Variants in LHX8 observed in about 807,000 individuals in gnomAD.
LHX8 encodes the protein LIM homeobox 8.
In LHX8, 12 loss-of-function variants were observed where a neutral mutation model predicts 40.3. The observed-to-expected ratio is 0.30, with a 90% CI of 0.19 to 0.48. The LOEUF is 0.48. LHX8 is among the 20% of genes least tolerant of loss of function. The pLI is 0.99. For missense variants in LHX8, 344 were observed against 433.7 expected, an observed-to-expected ratio of 0.79 and a Z score of 1.84; for synonymous variants, 179 against 162.0, an observed-to-expected ratio of 1.10 and a Z score of -0.80.
rs545145987 is a variant in LHX8, at chr1:75,160,476, C to A, written c.965-343C>A. 78 of 301,022 alleles carry A rather than the reference C, an allele frequency of 2.6e-4. 1 individual carries two copies. Among genetic ancestry groups the A allele is most frequent in the Non-Finnish European group, 3.0e-4 (48 of 159,064 alleles). 18.6% of individuals were successfully genotyped at this position (301,022 alleles called of 1,614,324 possible). A position where few individuals can be genotyped will look rare whatever the true frequency, so the allele number is the denominator to read the frequency against. On this transcript the variant is annotated intron_variant, in intron 8 of 8. Coordinates refer to ENST00000356261, the MANE Select transcript of LHX8 (RefSeq NM_001256114.2). ...ATGAAAGAAACTTGGGGAAGATCAT[C>A]CTATACAAACACCTTCATGAGAAAG...
chr1:75,135,515 C>G (rs558039851), intron 1 of LHX8, among the ~76,000 whole-genome samples: 8 of 152,276 alleles, frequency 5.3e-5, no homozygotes, highest in African/African-American at 1.7e-4. Context: ...GTCCGGGAGG[C>G]CCCCAGGTTG....
intron 5 of LHX8, 78 bp from the exon 6 acceptor site, chr1:75,143,767 G>A: frequency 9.2e-7 from 1 of 1,085,984 alleles, no homozygotes; most frequent in Non-Finnish European, 1.4e-6. Flanking sequence ...AAAGCCAAGA[G>A]ATATAAGAAA....
chr1:75,166,859 G>A, the LHX8 span, among the ~76,000 whole-genome samples: 7,561 of 152,218 alleles, frequency 0.05, 576 homozygotes, highest in African/African-American at 0.16. Context: ...CCTATAATGG[G>A]CTTCCTCTCC....
the LHX8 span, among the ~76,000 whole-genome samples, chr1:75,193,197 A>G: frequency 2.0e-5 from 3 of 152,084 alleles, no homozygotes; most frequent in Non-Finnish European, 4.4e-5. Flanking sequence ...CCCTCCTGAG[A>G]TTCCCAAGAA....
the LHX8 span, among the ~76,000 whole-genome samples, chr1:75,192,410 A>T: frequency 2.5e-4 from 38 of 152,288 alleles, no homozygotes; most frequent in African/African-American, 8.2e-4. Flanking sequence ...CAATTCCAGT[A>T]GTCCTAATTC....
chr1:75,195,759 C>T, the LHX8 span, among the ~76,000 whole-genome samples: 2 of 151,842 alleles, frequency 1.3e-5, no homozygotes. Context: ...CCCCTCTCTC[C>T]CTCTTTCCCT....
chr1:75,137,402 GT>G, intron 3 of LHX8, 141 bp downstream of exon 3: 1 of 798,554 alleles, frequency 1.3e-6, no homozygotes, highest in Non-Finnish European at 2.1e-6. Flanking sequence ...AATCAGCCCA[GT>G]TTAGGGCAAC....
At chr1:75,174,035 A>G in the LHX8 span, among the ~76,000 whole-genome samples, 4 of 152,274 alleles carry the variant, frequency 2.6e-5, no homozygotes, top group East Asian at 5.8e-4. Flanking sequence ...GAAAAAAAAA[A>G]AGTCAGAAAT....
downstream of LHX8, chr1:75,161,617 TTG>T (rs1471871477): frequency 1.3e-5 from 2 of 152,096 alleles, no homozygotes; most frequent in Non-Finnish European, 1.5e-5. Context: ...TTAAAAAGTA[TTG>T]TGTTTTGAGC....
chr1:75,188,378 C>A, the LHX8 span, among the ~76,000 whole-genome samples: 3 of 152,274 alleles, frequency 2.0e-5, no homozygotes, highest in South Asian at 2.1e-4. Flanking sequence ...ATGAAATATA[C>A]ACCTTGTAAA....
At chr1:75,151,668 T>A (rs2100353078) in intron 7 of LHX8, among the ~76,000 whole-genome samples, 1 of 152,334 alleles carries the variant, frequency 6.6e-6, no homozygotes, top group Non-Finnish European at 1.5e-5. Context: ...AACAGTTTTC[T>A]TTGGCAGGTA....
chr1:75,195,469 G>A, the LHX8 span, among the ~76,000 whole-genome samples: 7 of 152,034 alleles, frequency 4.6e-5, no homozygotes, highest in African/African-American at 7.2e-5. Flanking sequence ...ATGGGTTACT[G>A]ACTTTTTTTC....
At chr1:75,132,896 C>T (rs1267591603), upstream of LHX8, 1 of 152,174 alleles carries the variant, frequency 6.6e-6, no homozygotes, top group Non-Finnish European at 1.5e-5. Context: ...TCTGACTTTC[C>T]ATTCGGAAGA....
chr1:75,171,895 A>G, the LHX8 span, among the ~76,000 whole-genome samples: 1 of 152,248 alleles, frequency 6.6e-6, no homozygotes, highest in Non-Finnish European at 1.5e-5. Context: ...TGGACAGAAT[A>G]GAGTGGCACA....
At chr1:75,195,411 C>G in the LHX8 span, among the ~76,000 whole-genome samples, 1 of 152,136 alleles carries the variant, frequency 6.6e-6, no homozygotes, top group African/African-American at 2.4e-5. Context: ...GAAAAGGAAA[C>G]AGTCCTTATC....
the LHX8 span, among the ~76,000 whole-genome samples, chr1:75,174,231 G>A: frequency 6.6e-6 from 1 of 152,102 alleles, no homozygotes; most frequent in Non-Finnish European, 1.5e-5. Flanking sequence ...TGGCAGCCTA[G>A]CAATTTGGTC....
intron 7 of LHX8, among the ~76,000 whole-genome samples, chr1:75,150,666 A>C (rs754248810): frequency 6.6e-6 from 1 of 151,890 alleles, no homozygotes; most frequent in Non-Finnish European, 1.5e-5. Flanking sequence ...AGGGAAATGG[A>C]AAATAATTTT....
At chr1:75,160,639 C>T in intron 8 of LHX8, 180 bp from the exon 9 acceptor site, 1 of 615,592 alleles carries the variant, frequency 1.6e-6, no homozygotes, top group Non-Finnish European at 2.9e-6. Context: ...AAAACTGTTC[C>T]TGGACTCTCA....
the LHX8 span, among the ~76,000 whole-genome samples, chr1:75,191,869 C>G: frequency 6.6e-6 from 1 of 152,116 alleles, no homozygotes; most frequent in Admixed American, 6.5e-5. Flanking sequence ...ATAAACTGCC[C>G]AAAGCCAAGT....
Sources: gnomAD v4.1 joint callset for allele counts (sites outside exome capture counted in the v4.1 genomes callset) on GRCh38, gnomAD v4.1.1 for gene constraint, MANE v1.5 for transcripts, NCBI Gene and HGNC (gene_info 2026-07-23, HGNC 2026-07-21) for gene names.